The following UGGT1 variants were observed in gnomAD, a reference collection of about 807,000 sequenced individuals.
The protein encoded by UGGT1 is UDP-glucose glycoprotein glucosyltransferase 1, also known as UDP-glucose:glycoprotein glucosyltransferase 1.
A neutral mutation model predicts 203.9 loss-of-function variants in UGGT1; 107 were observed. The ratio of observed to expected loss-of-function variants is 0.52; its 90% confidence interval spans 0.45 to 0.62. UGGT1 has a LOEUF of 0.62. Ranked by LOEUF, UGGT1 falls within the 20% of genes least tolerant of loss-of-function variation. The pLI is 0.00. For synonymous variants in UGGT1, 628 were observed against 653.5 expected, an observed-to-expected ratio of 0.96 and a Z score of 0.59; for missense variants, 1,673 against 1,867.2, an observed-to-expected ratio of 0.90 and a Z score of 1.92.
intron 3 of UGGT1, among the ~76,000 whole-genome samples, chr2:128,106,333 A>T (rs945592495): frequency 1.3e-5 from 2 of 152,156 alleles, no homozygotes; most frequent in Admixed American, 1.3e-4. Context: ...TTAAAGCTAT[A>T]GGAGTATGAA....
At chr2:128,095,976 A>T (rs1687100794) in intron 1 of UGGT1, among the ~76,000 whole-genome samples, 1 of 152,076 alleles carries the variant, frequency 6.6e-6, no homozygotes, top group African/African-American at 2.4e-5. Context: ...CCACATATTC[A>T]CACCCCCTTT....
At chr2:128,152,221 G>A (rs1164724582) in intron 18 of UGGT1, among the ~76,000 whole-genome samples, 1 of 151,708 alleles carries the variant, frequency 6.6e-6, no homozygotes, top group East Asian at 1.9e-4. Context: ...GTAGCCCAGT[G>A]CAGTGGCATG....
chr2:128,103,169 GTTTGC>G, intron 2 of UGGT1: 2 of 467,906 alleles, frequency 4.3e-6, no homozygotes, highest in Non-Finnish European at 8.8e-6. Flanking sequence ...CAGATCTGTA[GTTTGC>G]TTTAAGACAG....
At chr2:128,128,935 A>G in intron 12 of UGGT1, 94 bp from the exon 13 acceptor site, 1 of 1,240,534 alleles carries the variant, frequency 8.1e-7, no homozygotes, top group Non-Finnish European at 1.1e-6. Flanking sequence ...TTGATTTGGC[A>G]TTGAGGTTGA....
At chr2:128,109,934 C>G (rs1229753619) in intron 5 of UGGT1, among the ~76,000 whole-genome samples, 188 bp downstream of exon 5, 1 of 152,138 alleles carries the variant, frequency 6.6e-6, no homozygotes, top group African/African-American at 2.4e-5. Flanking sequence ...TGAAATGTGG[C>G]AAATTACTTT....
intron 14 of UGGT1, among the ~76,000 whole-genome samples, chr2:128,134,145 C>T (rs903557750): frequency 6.6e-6 from 1 of 152,208 alleles, no homozygotes; most frequent in African/African-American, 2.4e-5. Context: ...TCAAGTGATT[C>T]TCCTGCCTCA....
rs182878832 is a variant in UGGT1 at position 128,091,223 on chromosome 2, C to G, written c.-135C>G. 522 of 969,156 alleles carry G rather than the reference C, an allele frequency of 5.4e-4. 2 individuals carry two copies. The African/African-American group carries it at 8.3e-3, about 15-fold the overall frequency. 60.0% of individuals were successfully genotyped at this position (969,156 alleles called of 1,614,324 possible). ...GCAGCTGGGCAATTGCTTTGCGAGG[C>G]TGGGTGTTGAGTCGAGCCGCGGGAA... On this transcript the variant is annotated 5_prime_UTR_variant, in exon 1 of 41. Coordinates refer to ENST00000259253, the MANE Select transcript of UGGT1 (RefSeq NM_020120.4).
chr2:128,128,063 G>T (rs1688684028), intron 12 of UGGT1, among the ~76,000 whole-genome samples: 1 of 151,880 alleles, frequency 6.6e-6, no homozygotes, highest in African/African-American at 2.4e-5. Context: ...AACAGAGTGA[G>T]AATCCATCTC....
At chr2:128,156,366 A>C (rs774519916) in intron 20 of UGGT1, 26 bp from the exon 21 acceptor site, 1 of 1,565,648 alleles carries the variant, frequency 6.4e-7, no homozygotes, top group Non-Finnish European at 8.8e-7. Context: ...CTTTTTTTCT[A>C]CTCTTTTCTC....
chr2:128,099,177 T>G (rs1467166700), intron 2 of UGGT1, among the ~76,000 whole-genome samples: 1 of 152,174 alleles, frequency 6.6e-6, no homozygotes, highest in Non-Finnish European at 1.5e-5. Context: ...AAGGCCTGTC[T>G]CTGTTGTTCA....
intron 2 of UGGT1, chr2:128,103,027 G>A: frequency 4.3e-6 from 2 of 468,104 alleles, no homozygotes; most frequent in South Asian, 3.1e-5. Flanking sequence ...TTTTAGAGAA[G>A]CTGTGCATTA....
Position 128,191,733 on chromosome 2 carries a change from C to G in UGGT1, c.*1991C>G, listed in dbSNP as rs1430732809. On this transcript the variant is annotated 3_prime_UTR_variant, in exon 41 of 41. Transcript: ENST00000259253. ...TTAGCCGGGTGTTGTGGCTCACCCTCTATTCCCAGCTACTCGGGAGGCAGA... is the reference window on the plus strand; with the variant it reads ...TTAGCCGGGTGTTGTGGCTCACCCTGTATTCCCAGCTACTCGGGAGGCAGA... 2.0e-5 allele frequency: 3 copies of G among 152,208 alleles called. No individual in the cohort carries two copies. Among genetic ancestry groups the G allele is most frequent in the African/African-American group, 7.2e-5 (3 of 41,424 alleles). 9.4% of individuals were successfully genotyped at this position (152,208 alleles called of 1,614,324 possible). A position where few individuals can be genotyped will look rare whatever the true frequency, so the allele number is the denominator to read the frequency against.
At chr2:128,184,763 C>G (rs566462014) in intron 38 of UGGT1, among the ~76,000 whole-genome samples, 4 of 151,672 alleles carry the variant, frequency 2.6e-5, no homozygotes, top group Non-Finnish European at 5.9e-5. Context: ...CTCACTGCAA[C>G]CTCCACCTCC....
At chr2:128,175,747 C>T (rs1246579509) in intron 31 of UGGT1, among the ~76,000 whole-genome samples, 1 of 152,216 alleles carries the variant, frequency 6.6e-6, no homozygotes, top group African/African-American at 2.4e-5. Context: ...CCCTTGCCAG[C>T]CCTCCCCTTC....
chr2:128,160,541 G>T lies in UGGT1; in HGVS notation c.2644G>T (p.Asp882Tyr). The T allele has an allele frequency of 1.2e-6, 2 of 1,613,650 alleles. No individual in the cohort carries two copies. The highest frequency in any genetic ancestry group is 1.7e-6 in the Non-Finnish European group (2 of 1,179,874). The change falls in exon 24 of 41, where the codon GAT becomes TAT. Residue 882 changes from aspartate (D) to tyrosine (Y), a missense_variant. Around this residue, in one of 4 missense-constraint regions of UGGT1, gnomAD observed 1,073 missense variants for 1,078.7 expected, o/e 0.99. Transcript: ENST00000259253. The part of the protein sequence containing the change: ...FILSHAVYCR[D>Y]VLKLKKGQRA... Reference sequence around the variant, plus strand: ...TTTGTCTCATGCCGTGTACTGCAGGGATGTTCTGAAGCTGAAGAAGGGACA... The same window carrying T: ...TTTGTCTCATGCCGTGTACTGCAGGTATGTTCTGAAGCTGAAGAAGGGACA...
At chr2:128,164,885 T>A (rs1238377808) in intron 26 of UGGT1, 60 bp downstream of exon 26, 7 of 1,276,250 alleles carry the variant, frequency 5.5e-6, no homozygotes, top group Non-Finnish European at 7.5e-6. Flanking sequence ...ATGTTTGCTT[T>A]ACCTCAGCTC....
chr2:128,101,084 TCTC>T (rs1364550552), intron 2 of UGGT1, among the ~76,000 whole-genome samples: 1 of 152,200 alleles, frequency 6.6e-6, no homozygotes, highest in Non-Finnish European at 1.5e-5. Flanking sequence ...TTAGGCCCCT[TCTC>T]CTGTGGCTAT....
At chr2:128,127,222 A>T in intron 11 of UGGT1, 139 bp from the exon 12 acceptor site, 1 of 630,904 alleles carries the variant, frequency 1.6e-6, no homozygotes, top group Non-Finnish European at 2.8e-6. Flanking sequence ...CTTGCCATTG[A>T]ATCCCAACAG....
At chr2:128,172,541 A>G (rs751400316) in intron 28 of UGGT1, 32 bp from the exon 29 acceptor site, 12 of 1,611,246 alleles carry the variant, frequency 7.4e-6, no homozygotes, top group Non-Finnish European at 9.3e-6. Flanking sequence ...GTCACATCGA[A>G]AATTATCTAA....
Sources: allele counts gnomAD v4.1 joint callset (sites outside exome capture counted in the v4.1 genomes callset), GRCh38; gene constraint gnomAD v4.1.1; regional missense constraint gnomAD v4.1.1; transcripts MANE v1.5; gene names NCBI Gene and HGNC (gene_info 2026-07-23, HGNC 2026-07-21).